The following PPIP5K1 variants were observed in gnomAD, a reference collection of about 807,000 sequenced individuals.
PPIP5K1 encodes the protein inositol hexakisphosphate and diphosphoinositol-pentakisphosphate kinase 1.
In PPIP5K1, 6 loss-of-function variants were observed where a neutral mutation model predicts 27.7. The observed-to-expected ratio is 0.22, with a 90% CI of 0.12 to 0.43. The LOEUF is 0.43. Ranked by LOEUF, PPIP5K1 falls within the 20% of genes least tolerant of loss-of-function variation. PPIP5K1 has a pLI of 1.00. For synonymous variants in PPIP5K1, 145 were observed against 242.6 expected (o/e 0.60, Z 3.74); for missense variants, 394 against 635.4 (o/e 0.62, Z 4.08).
chr15:43,549,293 T>C (rs911799910), intron 30 of PPIP5K1, among the ~76,000 whole-genome samples: 5 of 151,952 alleles, frequency 3.3e-5, no homozygotes, highest in African/African-American at 1.2e-4. Flanking sequence ...TTCCCAGGCA[T>C]TTTATTCTTT....
Position 43,533,573 on chromosome 15 carries a change from A to G in PPIP5K1, c.*1101T>C, listed in dbSNP as rs1400003439. 1.3e-5 allele frequency: 2 copies of G among 152,456 alleles called. No individual in the cohort carries two copies. Among genetic ancestry groups the G allele is most frequent in the African/African-American group, 4.8e-5 (2 of 41,378 alleles). The allele number at this position is 152,456 out of a possible 1,614,324, so 9.4% of individuals were successfully genotyped here. A position where few individuals can be genotyped will look rare whatever the true frequency, so the allele number is the denominator to read the frequency against. On this transcript the variant is annotated 3_prime_UTR_variant, in exon 32 of 32. Transcript: ENST00000420765. Reference sequence around the variant, plus strand: ...TACCCACTCCCATTCCCATCCCTGGATCTTTGGAAAAAGCTTCATAATCAT... The same window carrying G: ...TACCCACTCCCATTCCCATCCCTGGGTCTTTGGAAAAAGCTTCATAATCAT...
chr15:43,542,844 G>A (rs150315817), intron 30 of PPIP5K1, among the ~76,000 whole-genome samples: 4 of 151,796 alleles, frequency 2.6e-5, no homozygotes, highest in African/African-American at 9.7e-5. Context: ...ATCATGCCTG[G>A]CTAACTTTTT....
chr15:43,558,714 T>C lies in PPIP5K1; in HGVS notation c.3556+81A>G, dbSNP rs917876893. The C allele has an allele frequency of 3.8e-6, 6 of 1,564,842 alleles. No homozygotes were observed. The African/African-American group carries it at 8.1e-5, about 21-fold the overall frequency. ...TCTTTGTGGATTGCCTAACTAGCTT[T>C]CTAATTTACTACTTTCTTATATTCT... On this transcript the variant is annotated intron_variant, in intron 30 of 31. Transcript: ENST00000420765.
intron 30 of PPIP5K1, among the ~76,000 whole-genome samples, chr15:43,541,402 C>T (rs547949970): frequency 2.0e-5 from 3 of 152,178 alleles, no homozygotes; most frequent in East Asian, 2.0e-4. Context: ...CGTGAGCCAC[C>T]ATCCCCAGCC....
At chr15:43,553,229 T>C (rs1403798524) in intron 30 of PPIP5K1, among the ~76,000 whole-genome samples, 2 of 152,242 alleles carry the variant, frequency 1.3e-5, no homozygotes, top group Non-Finnish European at 2.9e-5. Context: ...GGATATTTCA[T>C]GTACATGTGA....
chr15:43,551,455 T>C (rs1163826152), intron 30 of PPIP5K1, among the ~76,000 whole-genome samples: 1 of 148,246 alleles, frequency 6.7e-6, no homozygotes, highest in Admixed American at 6.7e-5. Flanking sequence ...GAGGCAGAGA[T>C]TGCAGTGAGC....
chr15:43,552,355 C>T (rs1000985577), intron 30 of PPIP5K1, among the ~76,000 whole-genome samples: 1 of 151,790 alleles, frequency 6.6e-6, no homozygotes, highest in Admixed American at 6.6e-5. Context: ...TTTCATTCAT[C>T]TCAAAGTATA....
chr15:43,558,867 G>A lies in PPIP5K1; in HGVS notation c.3484C>T (p.Leu1162=). 6.2e-7 allele frequency: 1 copy of A among 1,614,146 alleles called. No homozygotes were observed. Among genetic ancestry groups the A allele is most frequent in the Non-Finnish European group, 8.5e-7 (1 of 1,180,030 alleles). Residue 1162 remains leucine (L), a synonymous_variant, in exon 30 of 32, where the codon CTA becomes TTA. Transcript: ENST00000420765. ...PLETLHNALS[L]RQVSEFLSRV... ...CTCAAGAATTCACTCACTTGACGTA[G>A]GGAAAGGGCATTATGCAGTGTTTCC...
At chr15:43,542,647 AGTGTGTGTGTGTGTGTGTGTGT>A (rs56361192) in intron 30 of PPIP5K1, among the ~76,000 whole-genome samples, 24 of 121,364 alleles carry the variant, frequency 2.0e-4, no homozygotes, top group African/African-American at 5.5e-4. Context: ...ATATATATTC[AGTGTGTGTGTGTGTGTGTGTGT>A]GTGTGTGTGT....
chr15:43,549,027 CAAAAAAAAAAAAAAA>C (rs1160828750), intron 30 of PPIP5K1, among the ~76,000 whole-genome samples: 11 of 28,682 alleles, frequency 3.8e-4, no homozygotes, highest in African/African-American at 1.3e-3. Context: ...GACTCCATCT[CAAAAAAAAAAAAAAA>C]AAAAAAAAAA....
intron 30 of PPIP5K1, among the ~76,000 whole-genome samples, chr15:43,547,706 T>C (rs2140692814): frequency 6.6e-6 from 1 of 152,352 alleles, no homozygotes; most frequent in East Asian, 1.9e-4. Flanking sequence ...TAGTGGTCTA[T>C]ATGTTTATAC....
chr15:43,538,473 G>C (rs1488062178), intron 31 of PPIP5K1, among the ~76,000 whole-genome samples: 2 of 152,236 alleles, frequency 1.3e-5, no homozygotes, highest in African/African-American at 4.8e-5. Flanking sequence ...GCAACAGAGA[G>C]AAGGGTTATG....
At chr15:43,551,556 T>A (rs1234259845) in intron 30 of PPIP5K1, among the ~76,000 whole-genome samples, 2 of 148,106 alleles carry the variant, frequency 1.4e-5, no homozygotes, top group African/African-American at 5.0e-5. Context: ...AATAATAATT[T>A]AATTTTTTCC....
chr15:43,579,290 A>G (rs866431549), intron 10 of PPIP5K1, among the ~76,000 whole-genome samples, 170 bp from the exon 11 acceptor site: 1,774 of 72,754 alleles, frequency 0.024, 58 homozygotes, highest in Non-Finnish European at 0.028. Flanking sequence ...AATAAATACA[A>G]GGAATGACAA....
rs139100270 is a variant in PPIP5K1, at chr15:43,586,706, GATAATAATAATA to G, written c.-122-1826_-122-1815del. ...GCAAAACCCTGCCTCAAATAATGAT[GATAATAATAATA>G]ATAATAATAATAATAATAATAATAA... On this transcript the variant is annotated intron_variant, in intron 1 of 31. Transcript: ENST00000420765. Among the ~76,000 whole-genome samples, 305 of 96,190 alleles carry G rather than the reference GATAATAATAATA, an allele frequency of 3.2e-3. 1 individual carries two copies. The highest frequency in any genetic ancestry group is 4.7e-3 in the Non-Finnish European group (210 of 44,968). The allele number at this position is 96,190 out of a possible 152,430, so 63.1% of individuals were successfully genotyped here.
rs954990316 is a variant in PPIP5K1 at position 43,555,939 on chromosome 15, C to T, written c.3556+2856G>A. ...TTTACTTTAAGTAATATTCTATTTT[C>T]TATAAAAATATTTAAGAACAGCAAA... On this transcript the variant is annotated intron_variant, in intron 30 of 31. Transcript: ENST00000420765. Among the ~76,000 whole-genome samples the T allele has an allele frequency of 7.2e-5, 11 of 152,088 alleles. No individual in the cohort carries two copies. In the East Asian group the frequency reaches 2.1e-3, roughly 29 times the overall value.
chr15:43,557,545 C>A (rs748862256), intron 30 of PPIP5K1, among the ~76,000 whole-genome samples: 1 of 152,086 alleles, frequency 6.6e-6, no homozygotes. Flanking sequence ...CAATAAGCTA[C>A]GACTGCAAAA....
rs199664359 is a variant in PPIP5K1 at position 43,537,047 on chromosome 15, AAAG to A, written c.3671-1574_3671-1572del. 6.6e-5 allele frequency among the ~76,000 whole-genome samples: 10 copies of A among 151,996 alleles called. No homozygotes were observed. In the East Asian group the frequency reaches 1.7e-3, roughly 27 times the overall value. The stretch of plus-strand genomic sequence containing the variant: ...AGTTATCTCTCTTCTGTAAACAATC[AAAG>A]GAGGGGCTGGACACGGTGGCTCATA... On this transcript the variant is annotated intron_variant, in intron 31 of 31. Coordinates refer to ENST00000420765, the MANE Select transcript of PPIP5K1 (RefSeq NM_001394395.1).
intron 10 of PPIP5K1, among the ~76,000 whole-genome samples, chr15:43,579,790 G>A (rs2084837037): frequency 8.1e-5 from 1 of 12,350 alleles, no homozygotes; most frequent in South Asian, 3.7e-3. Context: ...AGCCTCCCAA[G>A]CAGCTGAGAT....
Sources: gnomAD v4.1 joint callset for allele counts (sites outside exome capture counted in the v4.1 genomes callset) on GRCh38, gnomAD v4.1.1 for gene constraint, MANE v1.5 for transcripts, NCBI Gene and HGNC (gene_info 2026-07-23, HGNC 2026-07-21) for gene names.